The following SCHIP1 variants were observed in gnomAD, a reference collection of about 807,000 sequenced individuals.
SCHIP1 encodes the protein schwannomin-interacting protein 1.
In SCHIP1, 8 loss-of-function variants were observed where a neutral mutation model predicts 29.7. The observed-to-expected ratio is 0.27, with a 90% confidence interval of 0.16 to 0.49. SCHIP1 has a LOEUF of 0.49. SCHIP1 is among the 20% of genes least tolerant of loss of function. The pLI is 0.99. For missense variants in SCHIP1, 193 were observed against 294.6 expected, an observed-to-expected ratio of 0.66 and a Z score of 2.52; for synonymous variants, 76 against 94.9, an observed-to-expected ratio of 0.80 and a Z score of 1.16.
chr3:159,763,101 G>C, the SCHIP1 span, among the ~76,000 whole-genome samples: 1 of 152,286 alleles, frequency 6.6e-6, no homozygotes, highest in South Asian at 2.1e-4. Context: ...CGGAGGGGAA[G>C]GGAAACGTGA....
At chr3:159,560,893 T>C in the SCHIP1 span, among the ~76,000 whole-genome samples, 2 of 152,228 alleles carry the variant, frequency 1.3e-5, no homozygotes, top group Non-Finnish European at 2.9e-5. Context: ...CGATGGTGTG[T>C]GAATCTTGTA....
At chr3:159,656,360 T>G in the SCHIP1 span, among the ~76,000 whole-genome samples, 86 of 152,234 alleles carry the variant, frequency 5.6e-4, no homozygotes, top group Middle Eastern at 0.01. Flanking sequence ...TGTTACACCC[T>G]TTGGTGTTCC....
chr3:159,349,812 G>A, the SCHIP1 span, among the ~76,000 whole-genome samples: 1 of 152,126 alleles, frequency 6.6e-6, no homozygotes, highest in Non-Finnish European at 1.5e-5. Flanking sequence ...AGAAGATGAA[G>A]CTTAAAGATG....
the SCHIP1 span, among the ~76,000 whole-genome samples, chr3:159,639,342 G>A: frequency 6.6e-6 from 1 of 152,060 alleles, no homozygotes; most frequent in Non-Finnish European, 1.5e-5. Context: ...AGATAGTAAT[G>A]CTGGTTTGGT....
the SCHIP1 span, among the ~76,000 whole-genome samples, chr3:159,723,304 A>G: frequency 6.6e-6 from 1 of 152,336 alleles, no homozygotes; most frequent in South Asian, 2.1e-4. Flanking sequence ...ACATATTTTT[A>G]TTACTACAGT....
At chr3:159,313,709 T>A in the SCHIP1 span, among the ~76,000 whole-genome samples, 1 of 152,124 alleles carries the variant, frequency 6.6e-6, no homozygotes, top group Non-Finnish European at 1.5e-5. Flanking sequence ...TAGATCATTA[T>A]TTTTCCCACT....
the SCHIP1 span, among the ~76,000 whole-genome samples, chr3:159,304,536 T>A: frequency 4.6e-5 from 7 of 152,228 alleles, no homozygotes; most frequent in African/African-American, 1.7e-4. Context: ...ATGGGTCTTA[T>A]ATTTTGTCTT....
chr3:159,273,905 C>A, the SCHIP1 span: 1 of 1,612,434 alleles, frequency 6.2e-7, no homozygotes, highest in South Asian at 1.1e-5. Flanking sequence ...AAATGTCTAC[C>A]ATCTATTTTA....
chr3:159,392,500 T>G, the SCHIP1 span, among the ~76,000 whole-genome samples: 2 of 137,614 alleles, frequency 1.5e-5, no homozygotes, highest in Non-Finnish European at 3.1e-5. Context: ...TGTGTTCCCC[T>G]TCCTGCGTCC....
the SCHIP1 span, among the ~76,000 whole-genome samples, chr3:159,320,720 T>C: frequency 6.6e-6 from 1 of 152,094 alleles, no homozygotes; most frequent in African/African-American, 2.4e-5. Flanking sequence ...ATTTCTACAA[T>C]TTCCAAAAAT....
the SCHIP1 span, among the ~76,000 whole-genome samples, chr3:159,432,899 G>A: frequency 3.9e-5 from 6 of 152,120 alleles, no homozygotes; most frequent in Non-Finnish European, 4.4e-5. Flanking sequence ...GTAGTATGTT[G>A]CAGGAGAAAC....
chr3:159,461,614 C>G, the SCHIP1 span, among the ~76,000 whole-genome samples: 1 of 150,572 alleles, frequency 6.6e-6, no homozygotes, highest in South Asian at 2.1e-4. Flanking sequence ...CTCACTCTGT[C>G]GCCCAGGCTG....
chr3:159,895,098 G>A (rs1717928842), intron 6 of SCHIP1, among the ~76,000 whole-genome samples: 1 of 152,306 alleles, frequency 6.6e-6, no homozygotes, highest in African/African-American at 2.4e-5. Context: ...TTGCTTAAGT[G>A]AGGCATATGA....
At chr3:159,818,378 T>C in the SCHIP1 span, among the ~76,000 whole-genome samples, 1 of 152,242 alleles carries the variant, frequency 6.6e-6, no homozygotes. Context: ...AGTGCAGCAT[T>C]GATCACTTGG....
chr3:159,566,570 G>C, the SCHIP1 span, among the ~76,000 whole-genome samples: 1 of 152,178 alleles, frequency 6.6e-6, no homozygotes, highest in African/African-American at 2.4e-5. Flanking sequence ...GAGCAAGGAA[G>C]ACCTCAATGA....
chr3:159,743,488 C>T, the SCHIP1 span, among the ~76,000 whole-genome samples: 5 of 152,208 alleles, frequency 3.3e-5, no homozygotes, highest in African/African-American at 1.2e-4. Context: ...ATGTTACATA[C>T]TGTATGATTC....
chr3:159,714,689 G>T, the SCHIP1 span, among the ~76,000 whole-genome samples: 1 of 152,222 alleles, frequency 6.6e-6, no homozygotes, highest in Non-Finnish European at 1.5e-5. Context: ...CGGCAGCAAG[G>T]CTGGGGAAGG....
the SCHIP1 span, among the ~76,000 whole-genome samples, chr3:159,588,657 A>G: frequency 2.8e-4 from 43 of 152,298 alleles, no homozygotes; most frequent in African/African-American, 7.2e-4. Flanking sequence ...TGTAAGGAAG[A>G]GATCCAGTTT....
the SCHIP1 span, among the ~76,000 whole-genome samples, chr3:159,825,626 A>G: frequency 6.6e-6 from 1 of 152,174 alleles, no homozygotes; most frequent in Non-Finnish European, 1.5e-5. Flanking sequence ...CATTCATTCC[A>G]ATATTTTTTG....
Sources: allele counts gnomAD v4.1 joint callset (sites outside exome capture counted in the v4.1 genomes callset), GRCh38; gene constraint gnomAD v4.1.1; transcripts MANE v1.5; gene names NCBI Gene and HGNC (gene_info 2026-07-23, HGNC 2026-07-21).